Variants in KCNMA1 observed in about 807,000 individuals in gnomAD.
KCNMA1 encodes the protein potassium calcium-activated channel subfamily M alpha 1.
KCNMA1 carries 29 observed loss-of-function variants against 140.0 expected under a neutral mutation model. The observed-to-expected ratio is 0.21, with a 90% CI of 0.15 to 0.28. The LOEUF (loss-of-function observed/expected upper bound fraction) is 0.28, where lower values mean the gene tolerates loss of function less well. Among genes scored for constraint, KCNMA1 ranks in the 10% least tolerant of loss-of-function variants. KCNMA1 has a pLI of 1.00. For synonymous variants in KCNMA1, 612 were observed against 611.9 expected (o/e 1.00, Z 0.00); for missense variants, 880 against 1,602.2 (o/e 0.55, Z 7.70).
At chr10:77,254,212 A>ATGAAATAT (rs2060230809) in intron 2 of KCNMA1, among the ~76,000 whole-genome samples, 1 of 145,054 alleles carries the variant, frequency 6.9e-6, no homozygotes, top group Non-Finnish European at 1.5e-5. Flanking sequence ...ACTTGGAGTC[A>ATGAAATAT]TGAAATATAC....
At chr10:77,050,295 CAAAAAAACAAA>C (rs1230067586) in intron 14 of KCNMA1, among the ~76,000 whole-genome samples, 5 of 148,270 alleles carry the variant, frequency 3.4e-5, no homozygotes, top group Admixed American at 2.0e-4. Flanking sequence ...AATAAAAAAA[CAAAAAAACAAA>C]AAAAAAACTG....
intron 2 of KCNMA1, among the ~76,000 whole-genome samples, chr10:77,295,009 G>T (rs1341125672): frequency 6.6e-6 from 1 of 152,168 alleles, no homozygotes; most frequent in Non-Finnish European, 1.5e-5. Flanking sequence ...TGTTGTAGCT[G>T]TTTTTAAAGG....
chr10:77,256,732 C>T (rs1404387824), intron 2 of KCNMA1, among the ~76,000 whole-genome samples: 1 of 152,110 alleles, frequency 6.6e-6, no homozygotes, highest in Non-Finnish European at 1.5e-5. Flanking sequence ...GTTTATCTGC[C>T]TACTGAAGGC....
At chr10:77,339,827 A>T (rs552150248) in intron 2 of KCNMA1, among the ~76,000 whole-genome samples, 1 of 152,348 alleles carries the variant, frequency 6.6e-6, no homozygotes, top group African/African-American at 2.4e-5. Context: ...AGCAGGAGGG[A>T]ACAGCTTAAC....
At chr10:77,575,666 C>T (rs1603637337) in intron 1 of KCNMA1, among the ~76,000 whole-genome samples, 1 of 152,274 alleles carries the variant, frequency 6.6e-6, no homozygotes, top group East Asian at 1.9e-4. Flanking sequence ...GCAATATTGG[C>T]TGCACATTAG....
At chr10:77,366,764 G>C (rs1203306753) in intron 2 of KCNMA1, among the ~76,000 whole-genome samples, 1 of 152,204 alleles carries the variant, frequency 6.6e-6, no homozygotes, top group Non-Finnish European at 1.5e-5. Flanking sequence ...CTCCTGCATG[G>C]AGTGGGCAGC....
intron 20 of KCNMA1, among the ~76,000 whole-genome samples, chr10:76,958,914 A>G (rs917407978): frequency 6.6e-6 from 1 of 152,180 alleles, no homozygotes; most frequent in African/African-American, 2.4e-5. Flanking sequence ...GGCACAATAT[A>G]TCAGATATCC....
chr10:76,914,964 C>T lies in KCNMA1; in HGVS notation c.2988G>A (p.Gly996=), dbSNP rs1416168502. ...GTTCAGTGATGATGGGGATGTTGACCCCAGTTGTGATGGATGGTTGACGTA... is the reference window on the plus strand; with the variant it reads ...GTTCAGTGATGATGGGGATGTTGACTCCAGTTGTGATGGATGGTTGACGTA... ...GMLRQPSITT[G]VNIPIITELV... is the part of the protein sequence containing the mutation. Residue 996 remains glycine, a synonymous_variant, in exon 24 of 28, where the codon GGG becomes GGA. Transcript: ENST00000286628. 6.2e-7 allele frequency: 1 copy of T among 1,613,318 alleles called. No homozygotes were observed. Among genetic ancestry groups the T allele is most frequent in the Non-Finnish European group, 8.5e-7 (1 of 1,179,424 alleles).
chr10:77,172,346 G>T (rs1005712084), intron 5 of KCNMA1, among the ~76,000 whole-genome samples: 18 of 152,144 alleles, frequency 1.2e-4, no homozygotes, highest in South Asian at 2.1e-4. Context: ...TTCCAATTTG[G>T]CATATAACAG....
At chr10:77,032,661 G>T (rs897795465) in intron 15 of KCNMA1, among the ~76,000 whole-genome samples, 12 of 151,472 alleles carry the variant, frequency 7.9e-5, no homozygotes, top group Non-Finnish European at 1.8e-4. Flanking sequence ...TAACAAGTTA[G>T]ATTGCTTTCT....
chr10:77,273,210 C>T (rs2065670548), intron 2 of KCNMA1, among the ~76,000 whole-genome samples: 1 of 152,136 alleles, frequency 6.6e-6, no homozygotes, highest in Non-Finnish European at 1.5e-5. Context: ...CTCTCATTTT[C>T]TTTCCTCCTG....
chr10:77,057,636 G>A (rs953230295), intron 14 of KCNMA1, among the ~76,000 whole-genome samples: 3 of 151,894 alleles, frequency 2.0e-5, no homozygotes, highest in East Asian at 1.9e-4. Context: ...GTTTGGTAAG[G>A]GTTCTACATT....
intron 19 of KCNMA1, among the ~76,000 whole-genome samples, chr10:76,990,256 C>T (rs2082365365): frequency 6.6e-6 from 1 of 152,210 alleles, no homozygotes; most frequent in Admixed American, 6.5e-5. Flanking sequence ...TGAGCATCTA[C>T]TTGGTGAACA....
intron 1 of KCNMA1, among the ~76,000 whole-genome samples, chr10:77,543,842 G>A (rs1032781120): frequency 1.3e-5 from 2 of 152,120 alleles, no homozygotes; most frequent in Admixed American, 1.3e-4. Context: ...GGAAGAAGCA[G>A]GTGATTGCTA....
chr10:77,122,093 C>T (rs1451235005), intron 5 of KCNMA1, among the ~76,000 whole-genome samples: 1 of 152,180 alleles, frequency 6.6e-6, no homozygotes, highest in Admixed American at 6.5e-5. Flanking sequence ...CTCCCACGCC[C>T]GTGAGCCAGT....
chr10:77,455,665 T>C (rs543071718), intron 1 of KCNMA1, among the ~76,000 whole-genome samples: 3 of 152,184 alleles, frequency 2.0e-5, no homozygotes, highest in African/African-American at 7.2e-5. Flanking sequence ...GTTCCCCTCC[T>C]CTCTTCCCCA....
chr10:77,378,860 G>C (rs1028200354), intron 2 of KCNMA1, among the ~76,000 whole-genome samples: 1 of 152,196 alleles, frequency 6.6e-6, no homozygotes, highest in Admixed American at 6.5e-5. Flanking sequence ...TTTCAAGATA[G>C]AATTATTATT....
intron 24 of KCNMA1, chr10:76,912,075 A>G (rs1211352561): frequency 1.3e-5 from 2 of 152,234 alleles, no homozygotes; most frequent in Non-Finnish European, 2.9e-5. Flanking sequence ...GAGACCAGCC[A>G]GGGTCCAGTG....
At chr10:77,529,748 C>A (rs907783624) in intron 1 of KCNMA1, among the ~76,000 whole-genome samples, 6 of 152,026 alleles carry the variant, frequency 3.9e-5, no homozygotes, top group African/African-American at 1.4e-4. Flanking sequence ...AATGAGGACA[C>A]CCCAAGCAGA....
Sources: allele counts gnomAD v4.1 joint callset (sites outside exome capture counted in the v4.1 genomes callset), GRCh38; gene constraint gnomAD v4.1.1; transcripts MANE v1.5; gene names NCBI Gene and HGNC (gene_info 2026-07-23, HGNC 2026-07-21).